Variants in LRRIQ3 observed in about 807,000 individuals in gnomAD.
LRRIQ3 encodes leucine rich repeats and IQ motif containing 3.
LRRIQ3 carries 75 observed loss-of-function variants against 59.3 expected under a neutral mutation model. That is an observed-to-expected ratio of 1.26 (90% CI 1.05 to 1.53). The LOEUF (loss-of-function observed/expected upper bound fraction) is 1.53. Among genes scored for constraint, LRRIQ3 ranks in the 40% most tolerant of loss-of-function variants. LRRIQ3 has a pLI of 0.00. For missense variants in LRRIQ3, 831 were observed against 710.0 expected (o/e 1.17, Z -1.94); for synonymous variants, 250 against 231.3 (o/e 1.08, Z -0.73).
intron 1 of LRRIQ3, among the ~76,000 whole-genome samples, chr1:74,189,506 A>G (rs1022728686): frequency 1.3e-5 from 2 of 152,120 alleles, no homozygotes. Flanking sequence ...ATGAGGACGA[A>G]ATAAGTCAAC....
intron 5 of LRRIQ3, among the ~76,000 whole-genome samples, chr1:74,104,115 G>C (rs575309874): frequency 4.6e-5 from 7 of 151,948 alleles, no homozygotes; most frequent in Non-Finnish European, 7.4e-5. Context: ...CATACGAAAT[G>C]TTCAACATCA....
chr1:74,054,951 A>G (rs1376086858), intron 6 of LRRIQ3, among the ~76,000 whole-genome samples: 2 of 147,458 alleles, frequency 1.4e-5, no homozygotes, highest in African/African-American at 2.4e-5. Flanking sequence ...TATGAATTAT[A>G]TAATTATATA....
Position 74,109,445 on chromosome 1 carries a change from G to T in LRRIQ3, c.816C>A (p.Leu272=). The T allele has an allele frequency of 1.3e-6, 2 of 1,569,522 alleles. No homozygotes were observed. Among genetic ancestry groups the T allele is most frequent in the Non-Finnish European group, 1.7e-6 (2 of 1,158,234 alleles). Reference sequence around the variant, plus strand: ...TTATATTAGTTTCAGGTTTGAAAAAGAGATCCTTAAGGAGCTTATCTTCAT... The same window carrying T: ...TTATATTAGTTTCAGGTTTGAAAAATAGATCCTTAAGGAGCTTATCTTCAT... The part of the protein sequence containing the change: ...KGYEDKLLKD[L]FFKPETNIKG... The change falls in exon 5 of 8, where the codon CTC becomes CTA. Residue 272 remains leucine (L), a synonymous_variant. Coordinates refer to ENST00000354431, the MANE Select transcript of LRRIQ3 (RefSeq NM_001105659.2).
chr1:74,125,623 C>G (rs982150215), intron 4 of LRRIQ3, among the ~76,000 whole-genome samples: 1 of 151,678 alleles, frequency 6.6e-6, no homozygotes, highest in Non-Finnish European at 1.5e-5. Context: ...TAATTTTTGT[C>G]CTTCAATTCT....
At chr1:74,096,752 G>C (rs1646454436) in intron 5 of LRRIQ3, among the ~76,000 whole-genome samples, 1 of 152,086 alleles carries the variant, frequency 6.6e-6, no homozygotes, top group African/African-American at 2.4e-5. Context: ...CAGTTTGTTA[G>C]CTTTCCTTCT....
rs201477149 is a variant in LRRIQ3, at chr1:74,182,805, G to C, written c.306C>G (p.Leu102=). The C allele has an allele frequency of 6.2e-7, 1 of 1,603,378 alleles. No individual in the cohort carries two copies. Among genetic ancestry groups the C allele is most frequent in the South Asian group, 1.1e-5 (1 of 89,264 alleles). The change falls in exon 3 of 8, where the codon CTC becomes CTG. Residue 102 remains leucine, a synonymous_variant. Coordinates refer to ENST00000354431, the MANE Select transcript of LRRIQ3 (RefSeq NM_001105659.2). ...TTGCAAACCCATTGTCATGAAGATAGAGTAGTTTTAGGTTCTTCAATCCAT... is the reference window on the plus strand; with the variant it reads ...TTGCAAACCCATTGTCATGAAGATACAGTAGTTTTAGGTTCTTCAATCCAT... ...FWNGLKNLKL[L]YLHDNGFAKL... is the part of the protein sequence containing the mutation.
Position 74,109,424 on chromosome 1 carries a change from A to T in LRRIQ3, c.837T>A (p.Asn279Lys), listed in dbSNP as rs780641413. 2 of 1,554,004 alleles carry T rather than the reference A, an allele frequency of 1.3e-6. No homozygotes were observed. Among genetic ancestry groups the T allele is most frequent in the East Asian group, 4.6e-5 (2 of 43,640 alleles). ...TCCAATATGCAAGCTTTCCTTTTAT[A>T]TTAGTTTCAGGTTTGAAAAAGAGAT... ...LKDLFFKPET[N>K]IKGKLAYWKH... is the part of the protein sequence containing the mutation. Residue 279 changes from asparagine (N) to lysine (K), a missense_variant, in exon 5 of 8, where the codon AAT becomes AAA. By Grantham distance (94) the Asn-to-Lys change is moderately conservative (BLOSUM62 0). Coordinates refer to ENST00000354431, the MANE Select transcript of LRRIQ3 (RefSeq NM_001105659.2).
chr1:74,026,693 A>G lies in LRRIQ3; in HGVS notation c.*120T>C, dbSNP rs1653525863. On this transcript the variant is annotated 3_prime_UTR_variant, in exon 8 of 8. Coordinates refer to ENST00000354431, the MANE Select transcript of LRRIQ3 (RefSeq NM_001105659.2). ...TAATCTTTATATTTTTAGAAGACTT[A>G]TATATAAATCCATCTTGTGATGTAG... 1 of 749,350 alleles carries G rather than the reference A, an allele frequency of 1.3e-6. No homozygotes were observed. The highest frequency in any genetic ancestry group is 1.8e-5 in the African/African-American group (1 of 54,982). 46.4% of individuals were successfully genotyped at this position (749,350 alleles called of 1,614,324 possible).
intron 4 of LRRIQ3, among the ~76,000 whole-genome samples, chr1:74,110,056 T>TA (rs573166471): frequency 4.6e-5 from 7 of 150,580 alleles, no homozygotes; most frequent in African/African-American, 1.7e-4. Context: ...TTAGCCACAC[T>TA]AAAAAAAAAG....
chr1:74,125,064 T>C (rs530644531), intron 4 of LRRIQ3, among the ~76,000 whole-genome samples: 14 of 152,032 alleles, frequency 9.2e-5, no homozygotes, highest in Non-Finnish European at 1.6e-4. Context: ...ATTGTAGAGA[T>C]TGCTCACTTC....
intron 3 of LRRIQ3, among the ~76,000 whole-genome samples, chr1:74,165,807 A>G (rs1410204500): frequency 2.6e-5 from 4 of 151,354 alleles, no homozygotes; most frequent in African/African-American, 9.7e-5. Flanking sequence ...AATTTGTCAA[A>G]TTTTTTTCTG....
At chr1:74,180,649 A>G (rs1649919719) in intron 3 of LRRIQ3, 16 of 1,437,144 alleles carry the variant, frequency 1.1e-5, no homozygotes, top group Non-Finnish European at 1.5e-5. Context: ...GTACACTCAA[A>G]TCTCTGCACT....
chr1:74,061,870 A>G (rs571365677), intron 6 of LRRIQ3, among the ~76,000 whole-genome samples: 1 of 152,182 alleles, frequency 6.6e-6, no homozygotes, highest in East Asian at 1.9e-4. Flanking sequence ...CCCTCTCTCT[A>G]CAAATAATAC....
intron 6 of LRRIQ3, among the ~76,000 whole-genome samples, chr1:74,072,256 T>C (rs998614986): frequency 7.9e-5 from 12 of 151,980 alleles, no homozygotes; most frequent in African/African-American, 2.9e-4. Flanking sequence ...ATGTCTAATG[T>C]TTAGGAATAG....
intron 6 of LRRIQ3, among the ~76,000 whole-genome samples, chr1:74,053,549 T>C (rs879577709): frequency 3.3e-5 from 5 of 152,214 alleles, no homozygotes; most frequent in Admixed American, 2.0e-4. Context: ...AGCAAGGGGC[T>C]GGGTGCACTG....
At chr1:74,063,379 G>A (rs190331966) in intron 6 of LRRIQ3, among the ~76,000 whole-genome samples, 37 of 152,010 alleles carry the variant, frequency 2.4e-4, no homozygotes, top group Non-Finnish European at 4.9e-4. Context: ...TTCTGCTATT[G>A]ATGAGTGGTT....
At chr1:74,193,272 C>T (rs1650883552) in intron 1 of LRRIQ3, among the ~76,000 whole-genome samples, 2 of 152,094 alleles carry the variant, frequency 1.3e-5, no homozygotes, top group Admixed American at 6.6e-5. Context: ...CAACACGTTA[C>T]AGAACGTATC....
chr1:74,188,562 T>C (rs1650557730), intron 1 of LRRIQ3, among the ~76,000 whole-genome samples: 1 of 152,208 alleles, frequency 6.6e-6, no homozygotes, highest in Non-Finnish European at 1.5e-5. Context: ...TAGACTCTGA[T>C]TCTATCCACA....
At chr1:74,089,680 G>A (rs1429109055) in intron 5 of LRRIQ3, among the ~76,000 whole-genome samples, 1 of 152,020 alleles carries the variant, frequency 6.6e-6, no homozygotes, top group African/African-American at 2.4e-5. Context: ...GTTCCCAGGG[G>A]CTGTAGAGAG....
Sources: allele counts gnomAD v4.1 joint callset (sites outside exome capture counted in the v4.1 genomes callset), GRCh38; gene constraint gnomAD v4.1.1; transcripts MANE v1.5; gene names NCBI Gene and HGNC (gene_info 2026-07-23, HGNC 2026-07-21).